The following LDB2 variants were observed in gnomAD, a reference collection of about 807,000 sequenced individuals.
LDB2 encodes the protein LIM domain-binding protein 2.
Under a neutral mutation model 44.3 loss-of-function variants are expected in LDB2, and 12 were observed. The observed-to-expected ratio is 0.27, with a 90% CI of 0.17 to 0.44. LDB2 has a LOEUF of 0.44. Among genes scored for constraint, LDB2 ranks in the 20% least tolerant of loss-of-function variants. LDB2 has a pLI of 1.00. For missense variants in LDB2, 344 were observed against 473.5 expected, an observed-to-expected ratio of 0.73 and a Z score of 2.54; for synonymous variants, 164 against 174.8, an observed-to-expected ratio of 0.94 and a Z score of 0.49.
intron 2 of LDB2, among the ~76,000 whole-genome samples, chr4:16,753,505 C>T (rs560509307): frequency 6.6e-6 from 1 of 152,134 alleles, no homozygotes; most frequent in East Asian, 1.9e-4. Context: ...AGAGAAACAG[C>T]AAGTGTAGAA....
At chr4:16,710,929 G>A (rs1468343532) in intron 2 of LDB2, among the ~76,000 whole-genome samples, 1 of 152,094 alleles carries the variant, frequency 6.6e-6, no homozygotes, top group Non-Finnish European at 1.5e-5. Context: ...TGCCCTTATT[G>A]CCTGTGGCTG....
chr4:16,629,385 C>T (rs1306530758), intron 2 of LDB2, among the ~76,000 whole-genome samples: 3 of 152,120 alleles, frequency 2.0e-5, no homozygotes, highest in East Asian at 3.9e-4. Context: ...GGCCAACAGA[C>T]ACCTAATACA....
chr4:16,775,443 T>C (rs1283385090), intron 1 of LDB2, among the ~76,000 whole-genome samples: 1 of 151,854 alleles, frequency 6.6e-6, no homozygotes, highest in Non-Finnish European at 1.5e-5. Context: ...GCCTTCACTG[T>C]AAAAAATGGT....
At position 16,879,252 on chromosome 4, in the gene LDB2, G is replaced by A. The variant is rs546958606; in HGVS notation, c.132+19102C>T. Reference sequence around the variant, plus strand: ...AAACATTCAAAGACCTCTGACACCAGCCTCTATTATATCTGAGAAGGCAGC... The same window carrying A: ...AAACATTCAAAGACCTCTGACACCAACCTCTATTATATCTGAGAAGGCAGC... On this transcript the variant is annotated intron_variant, in intron 1 of 7. Transcript: ENST00000304523. Among the ~76,000 whole-genome samples, 6 of 152,300 alleles carry A rather than the reference G, an allele frequency of 3.9e-5. No homozygotes were observed. The East Asian group carries it at 1.2e-3, about 29-fold the overall frequency.
chr4:16,623,823 T>A (rs1729559624), intron 2 of LDB2, among the ~76,000 whole-genome samples: 1 of 152,056 alleles, frequency 6.6e-6, no homozygotes, highest in Non-Finnish European at 1.5e-5. Context: ...TAACAGTCCC[T>A]TAACTCTACT....
chr4:16,641,635 A>T (rs1735192416), intron 2 of LDB2, among the ~76,000 whole-genome samples: 1 of 152,172 alleles, frequency 6.6e-6, no homozygotes, highest in Non-Finnish European at 1.5e-5. Context: ...CAGAGTAAGA[A>T]GTCGCTCATT....
At chr4:16,757,237 C>A (rs1579380788) in intron 2 of LDB2, among the ~76,000 whole-genome samples, 1 of 152,218 alleles carries the variant, frequency 6.6e-6, no homozygotes, top group East Asian at 1.9e-4. Context: ...CAGCTGTCAC[C>A]AGCCCACACA....
chr4:16,612,190 G>T (rs887003121), intron 2 of LDB2, among the ~76,000 whole-genome samples: 2 of 152,154 alleles, frequency 1.3e-5, no homozygotes, highest in Non-Finnish European at 2.9e-5. Context: ...CAATGTACCA[G>T]AATCTCTGGG....
intron 2 of LDB2, among the ~76,000 whole-genome samples, chr4:16,661,134 C>T (rs1203515810): frequency 1.3e-5 from 2 of 152,172 alleles, no homozygotes; most frequent in African/African-American, 2.4e-5. Flanking sequence ...CCTCATAGTA[C>T]ATTGTACAAG....
rs367845915 is a variant in LDB2, at chr4:16,554,341, C to T, written c.615+31581G>A. ...CTGGGATTACAGGTGTGAGCCACTGCGCCCGGCCAGCCGAAATGGTTTTTG... is the reference window on the plus strand; with the variant it reads ...CTGGGATTACAGGTGTGAGCCACTGTGCCCGGCCAGCCGAAATGGTTTTTG... On this transcript the variant is annotated intron_variant, in intron 5 of 7. Transcript: ENST00000304523. Among the ~76,000 whole-genome samples, 270 of 152,282 alleles carry T rather than the reference C, an allele frequency of 1.8e-3. 2 individuals are homozygous for T. The highest frequency in any genetic ancestry group is 5.9e-3 in the African/African-American group (246 of 41,556).
At chr4:16,867,104 T>C (rs561945867) in intron 1 of LDB2, among the ~76,000 whole-genome samples, 2 of 152,118 alleles carry the variant, frequency 1.3e-5, no homozygotes, top group African/African-American at 4.8e-5. Flanking sequence ...CCAGCCTCCA[T>C]GCTGTGGGGA....
intron 1 of LDB2, among the ~76,000 whole-genome samples, chr4:16,853,529 A>C (rs1461754619): frequency 6.6e-6 from 1 of 152,198 alleles, no homozygotes; most frequent in Non-Finnish European, 1.5e-5. Flanking sequence ...CTGTTAGTGG[A>C]AATATAGATT....
intron 1 of LDB2, among the ~76,000 whole-genome samples, chr4:16,862,805 C>T (rs1266216841): frequency 6.6e-6 from 1 of 152,026 alleles, no homozygotes; most frequent in Non-Finnish European, 1.5e-5. Flanking sequence ...TTAAACCAAA[C>T]GATAAGAGAG....
intron 1 of LDB2, among the ~76,000 whole-genome samples, chr4:16,780,975 A>G (rs1218675699): frequency 6.6e-6 from 1 of 152,010 alleles, no homozygotes; most frequent in Non-Finnish European, 1.5e-5. Flanking sequence ...ACTGAACCCC[A>G]TGTTTTGAAT....
chr4:16,855,958 C>G (rs1789277564), intron 1 of LDB2, among the ~76,000 whole-genome samples: 2 of 152,126 alleles, frequency 1.3e-5, no homozygotes, highest in Admixed American at 1.3e-4. Context: ...AGATTCCACA[C>G]TAAAGCTAAC....
chr4:16,708,785 C>A (rs1268718469), intron 2 of LDB2, among the ~76,000 whole-genome samples: 2 of 152,096 alleles, frequency 1.3e-5, no homozygotes, highest in African/African-American at 4.8e-5. Context: ...CCTCTTCAAG[C>A]TTCCTGTGCT....
At chr4:16,859,705 G>A (rs982101839) in intron 1 of LDB2, among the ~76,000 whole-genome samples, 2 of 152,188 alleles carry the variant, frequency 1.3e-5, no homozygotes, top group Admixed American at 6.5e-5. Flanking sequence ...GATGCCCAAA[G>A]AGGAAGATGA....
intron 1 of LDB2, among the ~76,000 whole-genome samples, chr4:16,877,363 G>A (rs1286102350): frequency 6.6e-6 from 1 of 152,084 alleles, no homozygotes; most frequent in Admixed American, 6.6e-5. Context: ...AAGCTTTCCA[G>A]GTGTCCTTAA....
intron 1 of LDB2, among the ~76,000 whole-genome samples, chr4:16,843,039 A>G (rs557571908): frequency 6.6e-6 from 1 of 152,142 alleles, no homozygotes; most frequent in Admixed American, 6.5e-5. Flanking sequence ...CCACGCAGCC[A>G]TTTTTTTTGT....
Sources: gnomAD v4.1 joint callset for allele counts (sites outside exome capture counted in the v4.1 genomes callset) on GRCh38, gnomAD v4.1.1 for gene constraint, MANE v1.5 for transcripts, NCBI Gene and HGNC (gene_info 2026-07-23, HGNC 2026-07-21) for gene names.